The following DEPDC1 variants were observed in gnomAD, a reference collection of about 807,000 sequenced individuals.
DEPDC1 encodes the protein DEP domain containing 1, also known as DEP domain-containing protein 1A.
A neutral mutation model predicts 86.8 loss-of-function variants in DEPDC1; 66 were observed. The observed-to-expected ratio is 0.76, with a 90% CI of 0.62 to 0.93. The LOEUF (loss-of-function observed/expected upper bound fraction) is 0.93, where lower values mean the gene tolerates loss of function less well. Ranked by LOEUF, DEPDC1 falls within the 40% of genes least tolerant of loss-of-function variation. The pLI, the probability that DEPDC1 is intolerant of heterozygous loss-of-function variation, is 0.00. For synonymous variants in DEPDC1, 255 were observed against 314.9 expected (o/e 0.81, Z 2.02); for missense variants, 792 against 935.7 (o/e 0.85, Z 2.00).
At position 68,477,827 on chromosome 1, in the gene DEPDC1, CT is replaced by C. The variant is rs773799231; in HGVS notation, c.2257del (p.Arg753GlyfsTer5). On this transcript the variant is annotated frameshift_variant, in exon 11 of 12. Coordinates refer to ENST00000456315, the MANE Select transcript of DEPDC1 (RefSeq NM_001114120.3). LOFTEE classifies it high-confidence loss of function. ...AELLENIIKNRSLPLKEKRKK... is the reference protein window; with the variant it reads ...AELLENIIKNXSLPLKEKRKK... ...TCTTTTCTCCTTTAGAGGTAAACTC[CT>C]GTTTTTAATAATATTTTCTAAAAGT... 2 of 1,554,864 alleles carry C rather than the reference CT, an allele frequency of 1.3e-6. No individual in the cohort carries two copies. Among genetic ancestry groups the C allele is most frequent in the Non-Finnish European group, 1.7e-6 (2 of 1,150,524 alleles).
chr1:68,479,136 A>G lies in DEPDC1; in HGVS notation c.2112+8T>C. On this transcript the variant is annotated splice_region_variant and intron_variant, in intron 10 of 11. Transcript: ENST00000456315. ...ATTGCAGAGAATTTTAAGACTCACA[A>G]TACTTACATGTCCCTTTTTTAAGTA... 1 of 1,599,362 alleles carries G rather than the reference A, an allele frequency of 6.3e-7. No individual in the cohort carries two copies. The highest frequency in any genetic ancestry group is 1.1e-5 in the South Asian group (1 of 88,332).
Position 68,488,374 on chromosome 1 carries a change from C to A in DEPDC1, c.721G>T (p.Asp241Tyr). ...RGVVILQNKS[D>Y]DLPHWVLSAM... ...GTCCAATTATTTTATTAATACCAAC[C>A]TGATTTGTTTTGTAGTATAACTACT... is the stretch of plus-strand genomic sequence containing the variant. The change falls in exon 5 of 12, where the codon GAT (aspartate) becomes TAT (tyrosine). Residue 241 changes from aspartate (D) to tyrosine (Y), a missense_variant and splice_region_variant. Coordinates refer to ENST00000456315, the MANE Select transcript of DEPDC1 (RefSeq NM_001114120.3). 6.3e-7 allele frequency: 1 copy of A among 1,576,656 alleles called. No homozygotes were observed.
intron 9 of DEPDC1, among the ~76,000 whole-genome samples, chr1:68,480,461 C>G (rs934092398): frequency 1.3e-5 from 2 of 151,938 alleles, no homozygotes; most frequent in African/African-American, 4.8e-5. Flanking sequence ...ACACTCTTAG[C>G]CTTGTAGAGC....
At position 68,479,168 on chromosome 1, in the gene DEPDC1, A is replaced by C. The variant is rs1465044581; in HGVS notation, c.2088T>G (p.His696Gln). 6.2e-7 allele frequency: 1 copy of C among 1,610,192 alleles called. No homozygotes were observed. Among genetic ancestry groups the C allele is most frequent in the African/African-American group, 1.3e-5 (1 of 74,650 alleles). The change falls in exon 10 of 12, where the codon CAT becomes CAG. Residue 696 changes from histidine to glutamine, a missense_variant. By Grantham distance (24) the His-to-Gln change is conservative. Transcript: ENST00000456315. ...PSYLQTAVEK[H>Q]LDYLKKGHIE... ...CATGTCCCTTTTTTAAGTAGTCAAG[A>C]TGTTTTTCCACTGCAGTCTGTAAGT...
chr1:68,485,808 G>A (rs928694191), intron 6 of DEPDC1, among the ~76,000 whole-genome samples: 5 of 151,934 alleles, frequency 3.3e-5, no homozygotes, highest in African/African-American at 1.2e-4. Flanking sequence ...TTTATTCAAT[G>A]TCATTTTATC....
intron 6 of DEPDC1, among the ~76,000 whole-genome samples, chr1:68,485,164 TCA>T (rs57417497): frequency 0.24 from 36,433 of 149,392 alleles, 4,532 homozygotes; most frequent in Non-Finnish European, 0.26. Context: ...AGAAAACAAT[TCA>T]CACACACACA....
At chr1:68,477,742 C>T in intron 11 of DEPDC1, 45 bp downstream of exon 11, 1 of 1,232,916 alleles carries the variant, frequency 8.1e-7, no homozygotes, top group Non-Finnish European at 1.1e-6. Context: ...AGGAACAGCA[C>T]ATTAGAAAAT....
At chr1:68,493,565 A>G (rs181133210) in intron 2 of DEPDC1, among the ~76,000 whole-genome samples, 20 of 152,338 alleles carry the variant, frequency 1.3e-4, no homozygotes, top group African/African-American at 4.6e-4. Flanking sequence ...GCATGGTCTC[A>G]GTTTCCCCAT....
intron 6 of DEPDC1, among the ~76,000 whole-genome samples, chr1:68,485,919 A>G (rs1646189518): frequency 6.6e-6 from 1 of 152,090 alleles, no homozygotes; most frequent in Non-Finnish European, 1.5e-5. Flanking sequence ...TGAACTAGAA[A>G]ATTATACTTG....
At position 68,482,844 on chromosome 1, in the gene DEPDC1, G is replaced by A; in HGVS notation, c.964C>T (p.Gln322Ter). Residue 322 changes from glutamine to a stop codon, truncating the protein, a stop_gained, in exon 8 of 12, where the codon CAA (glutamine) becomes TAA (stop). Transcript: ENST00000456315. LOFTEE classifies it high-confidence loss of function. ...SDRSSGIHKI[Q>*]DDPQSSKFLH... ...AATTTTGAAGACTGTGGATCATCTTGAATTTTATGTATCCCACTGGATCTA... is the reference window on the plus strand; with the variant it reads ...AATTTTGAAGACTGTGGATCATCTTAAATTTTATGTATCCCACTGGATCTA... 5.6e-6 allele frequency: 9 copies of A among 1,606,852 alleles called. No individual in the cohort carries two copies. The highest frequency in any genetic ancestry group is 7.6e-6 in the Non-Finnish European group (9 of 1,177,268).
intron 9 of DEPDC1, among the ~76,000 whole-genome samples, chr1:68,480,320 T>C (rs1334230558): frequency 6.6e-6 from 1 of 151,826 alleles, no homozygotes; most frequent in Non-Finnish European, 1.5e-5. Context: ...AGAATTGTTT[T>C]AAATATTTCA....
chr1:68,477,818 G>A lies in DEPDC1; in HGVS notation c.2267C>T (p.Pro756Leu), dbSNP rs750440720. The change falls in exon 11 of 12, where the codon CCT becomes CTT. Residue 756 changes from proline to leucine, a missense_variant. Transcript: ENST00000456315. ...TAGTTTTTTTCTTTTCTCCTTTAGA[G>A]GTAAACTCCTGTTTTTAATAATATT... ...LENIIKNRSL[P>L]LKEKRKKLKQ... 4 of 1,544,730 alleles carry A rather than the reference G, an allele frequency of 2.6e-6. No homozygotes were observed. Among genetic ancestry groups the A allele is most frequent in the Non-Finnish European group, 3.5e-6 (4 of 1,145,582 alleles).
intron 10 of DEPDC1, 103 bp from the exon 11 acceptor site, chr1:68,478,075 C>T: frequency 1.2e-6 from 1 of 815,266 alleles, no homozygotes; most frequent in Non-Finnish European, 1.8e-6. Context: ...TACCACCAAT[C>T]AAACATTCAG....
rs1478083060 is a variant in DEPDC1 at position 68,476,829 on chromosome 1, A to C, written c.*103T>G. ...TCCTTACATAATGTGTTTATTTAGA[A>C]ATACCTTATTAATGACAGACTTCCT... On this transcript the variant is annotated 3_prime_UTR_variant, in exon 12 of 12. Coordinates refer to ENST00000456315, the MANE Select transcript of DEPDC1 (RefSeq NM_001114120.3). 1.9e-6 allele frequency: 2 copies of C among 1,058,892 alleles called. No individual in the cohort carries two copies. Among genetic ancestry groups the C allele is most frequent in the African/African-American group, 3.2e-5 (2 of 61,646 alleles). 65.6% of individuals were successfully genotyped at this position (1,058,892 alleles called of 1,614,324 possible).
At chr1:68,495,142 CA>C (rs11353957) in intron 1 of DEPDC1, among the ~76,000 whole-genome samples, 86,501 of 146,852 alleles carry the variant, frequency 0.59, 25,825 homozygotes, top group Middle Eastern at 0.82. Flanking sequence ...AACTCAGTCT[CA>C]AAAAAAAAAA....
At chr1:68,479,451 G>A in intron 9 of DEPDC1, 131 bp from the exon 10 acceptor site, 1 of 607,820 alleles carries the variant, frequency 1.6e-6, no homozygotes. Flanking sequence ...TTAAAAATGA[G>A]GACAACGATT....
intron 6 of DEPDC1, 26 bp downstream of exon 6, chr1:68,486,911 C>G: frequency 6.4e-7 from 1 of 1,564,796 alleles, no homozygotes; most frequent in Non-Finnish European, 8.6e-7. Flanking sequence ...CACACACACA[C>G]ACACACACAC....
rs1250846451 is a variant in DEPDC1 at position 68,496,171 on chromosome 1, C to T, written c.48+781G>A. ...ATACATGCTCGTCTGAAGGGCATTC[C>T]TAAGAGGAAAATGCTTGTTATTCTG... On this transcript the variant is annotated intron_variant, in intron 1 of 11. Coordinates refer to ENST00000456315, the MANE Select transcript of DEPDC1 (RefSeq NM_001114120.3). This position sits in a 1 kb window ranked among gnomAD's most constrained non-coding sequence, Gnocchi z 4.0. Among the ~76,000 whole-genome samples the T allele has an allele frequency of 1.3e-5, 2 of 152,130 alleles. No homozygotes were observed. The highest frequency in any genetic ancestry group is 2.9e-5 in the Non-Finnish European group (2 of 68,004).
chr1:68,477,959 C>A lies in DEPDC1; in HGVS notation c.2126G>T (p.Gly709Val). The change falls in exon 11 of 12, where the codon GGA (glycine) becomes GTA (valine). Residue 709 changes from glycine to valine, a missense_variant. Physicochemically the swap from Gly to Val is moderately radical, Grantham distance 109. Transcript: ENST00000456315. ...YLKKGHIENP[G>V]DGLFAPLPTY... ...TGGCAAAGGAGCAAATAGTCCATCT[C>A]CAGGATTTTCAATCTGTAGTGATCA... is the stretch of plus-strand genomic sequence containing the variant. 6.5e-7 allele frequency: 1 copy of A among 1,540,620 alleles called. No individual in the cohort carries two copies. The highest frequency in any genetic ancestry group is 1.3e-5 in the South Asian group (1 of 74,102).
Sources: gnomAD v4.1 joint callset for allele counts (sites outside exome capture counted in the v4.1 genomes callset) on GRCh38, gnomAD v4.1.1 for gene constraint, Gnocchi (gnomAD v3.1) non-coding constraint, MANE v1.5 for transcripts, NCBI Gene and HGNC (gene_info 2026-07-23, HGNC 2026-07-21) for gene names.